The following CCDC3 variants were observed in gnomAD, a reference collection of about 807,000 sequenced individuals.
The protein encoded by CCDC3 is coiled-coil domain containing 3.
Under a neutral mutation model 21.4 loss-of-function variants are expected in CCDC3, and 24 were observed. The ratio of observed to expected loss-of-function variants is 1.12; its 90% CI spans 0.81 to 1.58. The LOEUF (loss-of-function observed/expected upper bound fraction) is 1.58. Ranked by LOEUF, CCDC3 falls within the 40% of genes most tolerant of loss-of-function variation. CCDC3 has a pLI of 0.00. For missense variants in CCDC3, 425 were observed against 360.9 expected, an observed-to-expected ratio of 1.18 and a Z score of -1.44; for synonymous variants, 186 against 166.0, an observed-to-expected ratio of 1.12 and a Z score of -0.93.
intron 2 of CCDC3, among the ~76,000 whole-genome samples, chr10:12,965,683 T>C (rs1258847645): frequency 6.6e-6 from 1 of 152,212 alleles, no homozygotes; most frequent in East Asian, 1.9e-4. Flanking sequence ...TATAAACAAT[T>C]TGTCATTCGT....
In CCDC3 at chr10:13,065,304, A is replaced by G. The variant is rs932432156; in HGVS notation, c.-270+8564T>C. On this transcript the variant is annotated intron_variant, in intron 4 of 6. Transcript: ENST00000378839. ...CTTTTTGGAAGTAGCTGGATGAAATAGATATGGACCTAGGAGAAAAGCAAT... is the reference window on the plus strand; with the variant it reads ...CTTTTTGGAAGTAGCTGGATGAAATGGATATGGACCTAGGAGAAAAGCAAT... Among the ~76,000 whole-genome samples the G allele has an allele frequency of 4.6e-5, 7 of 152,320 alleles. No individual in the cohort carries two copies. The East Asian group carries it at 1.2e-3, about 25-fold the overall frequency.
chr10:12,898,354 A>C lies in CCDC3; in HGVS notation c.*62T>G. ...CCCTTGAAATAGCTGCATGTACGAA[A>C]CCTCACTCATTCTCAATTACCGTCA... On this transcript the variant is annotated 3_prime_UTR_variant, in exon 3 of 3. Coordinates refer to ENST00000378825, the MANE Select transcript of CCDC3 (RefSeq NM_031455.4). The C allele has an allele frequency of 6.8e-7, 1 of 1,478,572 alleles. No individual in the cohort carries two copies. The highest frequency in any genetic ancestry group is 9.1e-7 in the Non-Finnish European group (1 of 1,099,264). The allele number at this position is 1,478,572 out of a possible 1,614,324, so 91.6% of individuals were successfully genotyped here.
Position 12,975,835 on chromosome 10 carries a change from T to C in CCDC3, c.549+22503A>G, listed in dbSNP as rs557592064. ...GTGACAGAATGAGCCCAATCCCAAATTGCAGGTGTAAAATTTCATCTCCCC... is the reference window on the plus strand; with the variant it reads ...GTGACAGAATGAGCCCAATCCCAAACTGCAGGTGTAAAATTTCATCTCCCC... On this transcript the variant is annotated intron_variant, in intron 2 of 2. Coordinates refer to ENST00000378825, the MANE Select transcript of CCDC3 (RefSeq NM_031455.4). 9.9e-5 allele frequency among the ~76,000 whole-genome samples: 15 copies of C among 152,248 alleles called. No individual in the cohort carries two copies. In the South Asian group the frequency reaches 2.9e-3, roughly 30 times the overall value.
intron 2 of CCDC3, among the ~76,000 whole-genome samples, chr10:12,985,474 G>A (rs1010116609): frequency 6.6e-6 from 1 of 152,172 alleles, no homozygotes; most frequent in Non-Finnish European, 1.5e-5. Flanking sequence ...CACTCTGTAC[G>A]TGAATGTTCA....
At chr10:12,952,994 G>GGA (rs1835029909) in intron 2 of CCDC3, among the ~76,000 whole-genome samples, 1 of 151,844 alleles carries the variant, frequency 6.6e-6, no homozygotes, top group Non-Finnish European at 1.5e-5. Context: ...GGAAGGAAGG[G>GGA]AGGGAGGGGT....
At chr10:12,991,057 C>A (rs982356153) in intron 2 of CCDC3, among the ~76,000 whole-genome samples, 1 of 152,106 alleles carries the variant, frequency 6.6e-6, no homozygotes, top group Admixed American at 6.6e-5. Context: ...TTGTTTTTGA[C>A]CAAATGATCT....
At chr10:13,032,086 T>A (rs943304870) in intron 5 of CCDC3, among the ~76,000 whole-genome samples, 1 of 151,868 alleles carries the variant, frequency 6.6e-6, no homozygotes, top group African/African-American at 2.4e-5. Context: ...GACGCGAAAA[T>A]CCTCAATAAA....
chr10:12,996,500 T>G (rs928677270), intron 2 of CCDC3, among the ~76,000 whole-genome samples: 1 of 152,154 alleles, frequency 6.6e-6, no homozygotes, highest in Non-Finnish European at 1.5e-5. Flanking sequence ...TCTGCCCAGC[T>G]AATTTTTGTA....
At chr10:13,067,140 A>G (rs550450956) in intron 4 of CCDC3, among the ~76,000 whole-genome samples, 3 of 152,284 alleles carry the variant, frequency 2.0e-5, no homozygotes, top group East Asian at 3.9e-4. Context: ...CCTCACCCCA[A>G]TGGCTGCAGG....
At chr10:13,026,420 T>C (rs1302257961) in intron 5 of CCDC3, among the ~76,000 whole-genome samples, 1 of 152,190 alleles carries the variant, frequency 6.6e-6, no homozygotes, top group African/African-American at 2.4e-5. Context: ...ATAGAACATT[T>C]TGAACAAAGG....
chr10:13,054,970 G>C (rs1836662571), intron 4 of CCDC3, among the ~76,000 whole-genome samples: 1 of 152,160 alleles, frequency 6.6e-6, no homozygotes, highest in South Asian at 2.1e-4. Flanking sequence ...CCCAGCCAAG[G>C]AGTTATTATT....
intron 4 of CCDC3, among the ~76,000 whole-genome samples, chr10:13,063,247 C>T (rs1836782563): frequency 3.4e-5 from 1 of 29,780 alleles, no homozygotes; most frequent in African/African-American, 1.6e-4. Flanking sequence ...CTTGATTTAT[C>T]AGCTCTGTCT....
rs370321081 is a variant in CCDC3, at chr10:13,053,394, C to T, written c.-269-3453G>A. Among the ~76,000 whole-genome samples, 44 of 151,408 alleles carry T rather than the reference C, an allele frequency of 2.9e-4. No individual in the cohort carries two copies. In the East Asian group the frequency reaches 8.5e-3, roughly 29 times the overall value. On this transcript the variant is annotated intron_variant, in intron 4 of 6. Coordinates refer to the CCDC3 transcript ENST00000378839. Reference sequence around the variant, plus strand: ...GACCAGCCTGGGCAACATAGTGAGACCCCATCTCCATGAAAAAATTTAAAA... The same window carrying T: ...GACCAGCCTGGGCAACATAGTGAGATCCCATCTCCATGAAAAAATTTAAAA...
chr10:12,994,523 T>A (rs1835730457), intron 2 of CCDC3, among the ~76,000 whole-genome samples: 4 of 152,064 alleles, frequency 2.6e-5, no homozygotes, highest in South Asian at 4.2e-4. Context: ...CAAGAAAGTA[T>A]CCTAAGCAAA....
intron 5 of CCDC3, among the ~76,000 whole-genome samples, chr10:13,038,374 CAA>C (rs58667035): frequency 4.5e-4 from 44 of 98,742 alleles, no homozygotes; most frequent in Admixed American, 6.5e-4. Context: ...AGTTGGAAAG[CAA>C]AAAAAAAAAA....
intron 3 of CCDC3, among the ~76,000 whole-genome samples, chr10:13,084,686 A>G (rs1837081296): frequency 6.6e-6 from 1 of 152,184 alleles, no homozygotes; most frequent in Non-Finnish European, 1.5e-5. Flanking sequence ...TGGGGTCTAG[A>G]TCGGGACTCC....
chr10:12,903,876 GACC>G (rs1834129756), intron 2 of CCDC3, among the ~76,000 whole-genome samples: 2 of 152,080 alleles, frequency 1.3e-5, no homozygotes, highest in Admixed American at 1.3e-4. Context: ...AAAAATATGG[GACC>G]AACAAAAGGA....
chr10:12,903,771 A>G (rs1395089019), intron 2 of CCDC3, among the ~76,000 whole-genome samples: 1 of 152,260 alleles, frequency 6.6e-6, no homozygotes, highest in African/African-American at 2.4e-5. Context: ...TCGAAAAGAC[A>G]AAAGTTAGGC....
At chr10:13,062,917 G>A (rs1836775226) in intron 4 of CCDC3, among the ~76,000 whole-genome samples, 1 of 151,494 alleles carries the variant, frequency 6.6e-6, no homozygotes, top group African/African-American at 2.4e-5. Flanking sequence ...CTGCTCTTAT[G>A]GCCCCCACCC....
Sources: gnomAD v4.1 joint callset for allele counts (sites outside exome capture counted in the v4.1 genomes callset) on GRCh38, gnomAD v4.1.1 for gene constraint, MANE v1.5 for transcripts, NCBI Gene and HGNC (gene_info 2026-07-23, HGNC 2026-07-21) for gene names.